DPP6: variants seen among roughly 807,000 people sequenced by gnomAD.
DPP6 encodes A-type potassium channel modulatory protein DPP6.
In DPP6, 69 loss-of-function variants were observed where a neutral mutation model predicts 122.6. The observed-to-expected ratio is 0.56, with a 90% CI of 0.46 to 0.69. The LOEUF is 0.69. DPP6 is among the 30% of genes least tolerant of loss of function. The pLI is 0.00. For missense variants in DPP6, 928 were observed against 1,116.9 expected (o/e 0.83, Z 2.41); for synonymous variants, 418 against 433.1 (o/e 0.97, Z 0.43).
At chr7:154,197,070 G>A (rs891142840) in intron 1 of DPP6, among the ~76,000 whole-genome samples, 1 of 151,908 alleles carries the variant, frequency 6.6e-6, no homozygotes, top group Non-Finnish European at 1.5e-5. Flanking sequence ...ACTGCCCACT[G>A]AACATCTAAC....
intron 1 of DPP6, among the ~76,000 whole-genome samples, chr7:153,915,167 A>G (rs1585024498): frequency 6.6e-6 from 1 of 152,202 alleles, no homozygotes; most frequent in South Asian, 2.1e-4. Flanking sequence ...TTTCAGTTCC[A>G]TATACAGAAA....
chr7:154,247,790 G>T (rs1802081857), intron 1 of DPP6, among the ~76,000 whole-genome samples: 2 of 152,078 alleles, frequency 1.3e-5, no homozygotes, highest in Non-Finnish European at 2.9e-5. Flanking sequence ...TCCATGAAAA[G>T]ACTTGTACAG....
chr7:154,359,560 T>G (rs1231024607), intron 1 of DPP6, among the ~76,000 whole-genome samples: 1 of 152,198 alleles, frequency 6.6e-6, no homozygotes, highest in Non-Finnish European at 1.5e-5. Flanking sequence ...CTCATTTTCA[T>G]TTCTCCTCAC....
intron 1 of DPP6, among the ~76,000 whole-genome samples, chr7:154,182,681 G>T (rs1798155148): frequency 6.6e-6 from 1 of 152,050 alleles, no homozygotes. Flanking sequence ...CCGTCTTCAT[G>T]ACTAGGAAGA....
chr7:154,063,042 G>A (rs1802243656), intron 1 of DPP6, among the ~76,000 whole-genome samples: 1 of 133,802 alleles, frequency 7.5e-6, no homozygotes, highest in Admixed American at 7.7e-5. Flanking sequence ...ACAGGAGGGG[G>A]AGGCACCCCC....
intron 10 of DPP6, chr7:154,793,845 TC>T: frequency 1.9e-6 from 1 of 516,618 alleles, no homozygotes; most frequent in Non-Finnish European, 3.2e-6. Context: ...GACATGCAAC[TC>T]CCAGTGTCTT....
At chr7:154,004,286 C>T (rs1797814477) in intron 1 of DPP6, among the ~76,000 whole-genome samples, 1 of 152,202 alleles carries the variant, frequency 6.6e-6, no homozygotes, top group South Asian at 2.1e-4. Flanking sequence ...GGAGGAGCAG[C>T]ACCTGCTACT....
intron 15 of DPP6, among the ~76,000 whole-genome samples, 157 bp from the exon 16 acceptor site, chr7:154,806,837 A>T (rs1174219647): frequency 6.6e-6 from 1 of 152,196 alleles, no homozygotes; most frequent in Non-Finnish European, 1.5e-5. Flanking sequence ...GGGTGGTCTC[A>T]GGGGCTCCAG....
At chr7:153,852,111 G>A in the DPP6 span, among the ~76,000 whole-genome samples, 2 of 152,158 alleles carry the variant, frequency 1.3e-5, no homozygotes, top group East Asian at 3.9e-4. Flanking sequence ...AGTGCTAGAT[G>A]AATCTTGGTA....
chr7:154,535,667 G>T (rs1286048855), intron 3 of DPP6, among the ~76,000 whole-genome samples: 1 of 150,166 alleles, frequency 6.7e-6, no homozygotes, highest in Non-Finnish European at 1.5e-5. Context: ...AATGCTTAAA[G>T]GACTCAGTAA....
chr7:154,277,743 C>T (rs1173065149), intron 1 of DPP6, among the ~76,000 whole-genome samples: 1 of 152,058 alleles, frequency 6.6e-6, no homozygotes, highest in African/African-American at 2.4e-5. Context: ...CTAACTTGGG[C>T]CATAGGGTGA....
At chr7:154,443,569 AATAG>A (rs1401868732) in intron 1 of DPP6, among the ~76,000 whole-genome samples, 2 of 148,776 alleles carry the variant, frequency 1.3e-5, no homozygotes, top group South Asian at 2.1e-4. Flanking sequence ...GATGTGGATG[AATAG>A]ATGGATGGAT....
chr7:154,243,901 C>T (rs34310032), intron 1 of DPP6, among the ~76,000 whole-genome samples: 177 of 151,668 alleles, frequency 1.2e-3, no homozygotes, highest in Non-Finnish European at 2.0e-3. Context: ...ATCAAACAAA[C>T]CGTATCTCAG....
intron 1 of DPP6, among the ~76,000 whole-genome samples, chr7:153,991,117 A>G (rs971166692): frequency 1.3e-5 from 2 of 152,238 alleles, no homozygotes; most frequent in Non-Finnish European, 2.9e-5. Context: ...CGTAAAGGCC[A>G]GGAGACTGTG....
chr7:153,951,968 G>A (rs976723752), intron 1 of DPP6, among the ~76,000 whole-genome samples: 2 of 152,232 alleles, frequency 1.3e-5, no homozygotes, highest in Middle Eastern at 3.4e-3. Flanking sequence ...ACATGAACCC[G>A]GGAAGCGGAG....
At chr7:153,890,950 G>A (rs1441170412) in intron 1 of DPP6, among the ~76,000 whole-genome samples, 2 of 148,770 alleles carry the variant, frequency 1.3e-5, no homozygotes, top group African/African-American at 5.0e-5. Flanking sequence ...TGCCTGTCTC[G>A]GCCTCCCAAA....
At chr7:153,988,291 G>T (rs1013531175) in intron 1 of DPP6, among the ~76,000 whole-genome samples, 1 of 152,062 alleles carries the variant, frequency 6.6e-6, no homozygotes, top group Non-Finnish European at 1.5e-5. Context: ...GCGGAGCTCC[G>T]GGGGTCTGAA....
intron 5 of DPP6, among the ~76,000 whole-genome samples, chr7:154,596,744 C>T (rs905607453): frequency 1.3e-5 from 2 of 152,174 alleles, no homozygotes; most frequent in African/African-American, 4.8e-5. Flanking sequence ...ATAATGAGCC[C>T]TTAAATGCCA....
Position 154,274,253 on chromosome 7 carries a change from C to T in DPP6, c.244-171961C>T, listed in dbSNP as rs115341089. On this transcript the variant is annotated intron_variant, in intron 1 of 25. Transcript: ENST00000377770. ...AGGCTTCTCATTGCAAAATGGAAAC[C>T]GTATTGTCAGGTTCTAAGTTCTGAG... Among the ~76,000 whole-genome samples the T allele has an allele frequency of 1.8e-3, 271 of 152,284 alleles. 2 individuals are homozygous for T. Among genetic ancestry groups the T allele is most frequent in the African/African-American group, 6.2e-3 (259 of 41,564 alleles).
Sources: allele counts gnomAD v4.1 joint callset (sites outside exome capture counted in the v4.1 genomes callset), GRCh38; gene constraint gnomAD v4.1.1; transcripts MANE v1.5; gene names NCBI Gene and HGNC (gene_info 2026-07-23, HGNC 2026-07-21).